Variants in CAMTA1 observed in about 807,000 individuals in gnomAD.
The protein encoded by CAMTA1 is calmodulin binding transcription activator 1.
A neutral mutation model predicts 170.9 loss-of-function variants in CAMTA1; 27 were observed. The observed-to-expected ratio is 0.16, with a 90% CI of 0.12 to 0.22. CAMTA1 has a LOEUF of 0.22. Among genes scored for constraint, CAMTA1 ranks in the 10% least tolerant of loss-of-function variants. The probability of loss-of-function intolerance (pLI) is 1.00; values close to 1 mark genes in which losing one functional copy is unlikely to be tolerated. For missense variants in CAMTA1, 1,619 were observed against 2,217.2 expected (o/e 0.73, Z 5.42); for synonymous variants, 833 against 891.5 (o/e 0.93, Z 1.17).
Position 7,426,747 on chromosome 1 carries a change from G to A in CAMTA1, c.439-41083G>A, listed in dbSNP as rs539614068. Among the ~76,000 whole-genome samples the A allele has an allele frequency of 5.3e-5, 8 of 152,156 alleles. No homozygotes were observed. Among genetic ancestry groups the A allele is most frequent in the Non-Finnish European group, 1.0e-4 (7 of 68,036 alleles). ...TGAGATTCAGAGACGTGGGAGTTCC[G>A]AATGAGATCATTTTTGTGCCTGGTT... is the stretch of plus-strand genomic sequence containing the variant. On this transcript the variant is annotated intron_variant, in intron 5 of 22. Transcript: ENST00000303635. The surrounding 1 kb of genome is among the most constrained non-coding windows in gnomAD (Gnocchi z 4.8).
At chr1:7,245,337 ATATATAT>A (rs1303570252) in intron 4 of CAMTA1, among the ~76,000 whole-genome samples, 2 of 151,278 alleles carry the variant, frequency 1.3e-5, no homozygotes, top group Non-Finnish European at 2.9e-5. Flanking sequence ...CTTATATATA[ATATATAT>A]TATACAGTTT....
In CAMTA1 at chr1:7,493,070, C is replaced by CACAA. The variant is rs759214071; in HGVS notation, c.510+25172_510+25173insAACA. Among the ~76,000 whole-genome samples, 181 of 125,738 alleles carry CACAA rather than the reference C, an allele frequency of 1.4e-3. 6 individuals carry two copies. The highest frequency in any genetic ancestry group is 4.7e-3 in the Middle Eastern group (1 of 212). 82.5% of individuals were successfully genotyped at this position (125,738 alleles called of 152,430 possible). ...ACCTACATACACACGCGCGCACACA[C>CACAA]ACAGACATACAAACGTGAGCACACA... On this transcript the variant is annotated intron_variant, in intron 6 of 22. Coordinates refer to ENST00000303635, the MANE Select transcript of CAMTA1 (RefSeq NM_015215.4).
intron 4 of CAMTA1, among the ~76,000 whole-genome samples, chr1:7,236,556 G>A (rs571498323): frequency 2.0e-5 from 3 of 152,258 alleles, no homozygotes; most frequent in Admixed American, 6.5e-5. Flanking sequence ...TCCCCTTACC[G>A]GCTGTGCGAC....
intron 5 of CAMTA1, among the ~76,000 whole-genome samples, chr1:7,356,326 G>A (rs1287306723): frequency 6.6e-6 from 1 of 152,236 alleles, no homozygotes; most frequent in Non-Finnish European, 1.5e-5. Flanking sequence ...GACAGGCTGG[G>A]ATGCTGAATT....
At chr1:7,255,320 AAAATT>A (rs1422568990) in intron 5 of CAMTA1, among the ~76,000 whole-genome samples, 6 of 152,166 alleles carry the variant, frequency 3.9e-5, no homozygotes, top group African/African-American at 7.2e-5. Flanking sequence ...TAATAATAAG[AAAATT>A]AAATTAAAAG....
At position 7,744,866 on chromosome 1, in the gene CAMTA1, T is replaced by C; in HGVS notation, c.4214T>C (p.Ile1405Thr). The C allele has an allele frequency of 1.2e-6, 2 of 1,613,976 alleles. No homozygotes were observed. Among genetic ancestry groups the C allele is most frequent in the Non-Finnish European group, 1.7e-6 (2 of 1,179,946 alleles). ...ATGATGACCTTGGCAGAACACATTA[T>C]TGAAGCCACACCTGACCGAATCAAG... ...VNMMTLAEHI[I>T]EATPDRIKQE... is the part of the protein sequence containing the mutation. The change falls in exon 17 of 23, where the codon ATT becomes ACT. Residue 1405 changes from isoleucine (I) to threonine (T), a missense_variant. Physicochemically the swap from Ile to Thr is moderately conservative, Grantham distance 89 (BLOSUM62 -1). This residue lies in a region of CAMTA1 where 370 missense variants were observed against 429.4 expected (regional missense o/e 0.86). Transcript: ENST00000303635.
intron 5 of CAMTA1, among the ~76,000 whole-genome samples, chr1:7,339,977 T>C (rs932218607): frequency 6.6e-6 from 1 of 152,214 alleles, no homozygotes; most frequent in Non-Finnish European, 1.5e-5. Flanking sequence ...ATTCAGAACC[T>C]GACCCAGGGT....
In CAMTA1 at chr1:7,013,209, C is replaced by CTTTTT. The variant is rs969077771; in HGVS notation, c.235-78076_235-78072dup. 7.2e-3 allele frequency among the ~76,000 whole-genome samples: 606 copies of CTTTTT among 84,160 alleles called. 76 individuals are homozygous for CTTTTT. The highest frequency in any genetic ancestry group is 0.023 in the African/African-American group (439 of 18,786). The allele number at this position is 84,160 out of a possible 152,430, so 55.2% of individuals were successfully genotyped here. ...TCCAGGCCCTGCCTTTGCCCTTCTT[C>CTTTTT]TTTTTTTTTTTTTTTTTTTTTTTGA... On this transcript the variant is annotated intron_variant, in intron 3 of 22. Transcript: ENST00000303635.
intron 7 of CAMTA1, among the ~76,000 whole-genome samples, chr1:7,649,616 T>C (rs1326913875): frequency 6.6e-6 from 1 of 152,168 alleles, no homozygotes; most frequent in Non-Finnish European, 1.5e-5. Context: ...GTTTTGCAAA[T>C]GTTGGTTTCT....
intron 5 of CAMTA1, among the ~76,000 whole-genome samples, chr1:7,385,290 C>T (rs550692794): frequency 1.2e-4 from 19 of 152,086 alleles, no homozygotes; most frequent in African/African-American, 3.9e-4. Flanking sequence ...AAGGTTTCAC[C>T]GTGTTAGCCA....
At chr1:7,639,967 G>A (rs1237282772) in intron 6 of CAMTA1, among the ~76,000 whole-genome samples, 2 of 152,122 alleles carry the variant, frequency 1.3e-5, no homozygotes, top group Non-Finnish European at 2.9e-5. Flanking sequence ...CGTGTTGGGC[G>A]TGAAGGAGGG....
rs778739632 is a variant in CAMTA1 at position 7,349,507 on chromosome 1, A to G, written c.438+99881A>G. 3.8e-4 allele frequency among the ~76,000 whole-genome samples: 58 copies of G among 152,348 alleles called. 2 individuals carry two copies. In the South Asian group the frequency reaches 5.0e-3, roughly 13 times the overall value. ...ATGTGTGTACTCTGGCTGCCATGAC[A>G]AGGCACCGCACACGGGGCGACGTAC... On this transcript the variant is annotated intron_variant, in intron 5 of 22. Transcript: ENST00000303635.
chr1:7,539,016 T>C (rs1407333392), intron 6 of CAMTA1, among the ~76,000 whole-genome samples: 1 of 152,164 alleles, frequency 6.6e-6, no homozygotes, highest in Middle Eastern at 3.2e-3. Context: ...TGGTTCAGAG[T>C]TCCCCTCGGA....
intron 5 of CAMTA1, among the ~76,000 whole-genome samples, chr1:7,294,801 G>C (rs1054442017): frequency 6.6e-6 from 1 of 152,172 alleles, no homozygotes; most frequent in East Asian, 1.9e-4. Context: ...CCCAGACCAG[G>C]GTGAAGTCTC....
At chr1:6,817,493 T>TAGGAA (rs1211670273) in intron 1 of CAMTA1, among the ~76,000 whole-genome samples, 7 of 152,208 alleles carry the variant, frequency 4.6e-5, no homozygotes, top group Non-Finnish European at 1.0e-4. Flanking sequence ...CCACTTTTCC[T>TAGGAA]AAGGTATGAT....
In CAMTA1 at chr1:7,751,367, G is replaced by C; in HGVS notation, c.4858G>C (p.Ala1620Pro). The C allele has an allele frequency of 6.2e-7, 1 of 1,603,696 alleles. No individual in the cohort carries two copies. The highest frequency in any genetic ancestry group is 8.5e-7 in the Non-Finnish European group (1 of 1,176,622). ...CAAAAGACGGCAGGCTCGCCGGACGGCTGTGATTGTACAACAGAAACTCAG... is the reference window on the plus strand; with the variant it reads ...CAAAAGACGGCAGGCTCGCCGGACGCCTGTGATTGTACAACAGAAACTCAG... ...CGKRRQARRT[A>P]VIVQQKLRSS... is the part of the protein sequence containing the mutation. Residue 1620 changes from alanine (A) to proline (P), a missense_variant, in exon 20 of 23, where the codon GCT becomes CCT. This residue lies in a region of CAMTA1 where 128 missense variants were observed against 213.5 expected (regional missense o/e 0.60). Coordinates refer to ENST00000303635, the MANE Select transcript of CAMTA1 (RefSeq NM_015215.4).
chr1:6,933,828 G>C (rs1004636115), intron 3 of CAMTA1, among the ~76,000 whole-genome samples: 1 of 152,114 alleles, frequency 6.6e-6, no homozygotes, highest in African/African-American at 2.4e-5. Flanking sequence ...TTGATCCGGT[G>C]GTCTGTCTTT....
intron 5 of CAMTA1, among the ~76,000 whole-genome samples, chr1:7,327,514 G>A (rs1234972154): frequency 6.6e-6 from 1 of 152,174 alleles, no homozygotes; most frequent in African/African-American, 2.4e-5. Flanking sequence ...AAGGAATAAG[G>A]TGGTAGTGTT....
intron 6 of CAMTA1, among the ~76,000 whole-genome samples, chr1:7,523,114 G>T (rs558754709): frequency 6.6e-6 from 1 of 152,318 alleles, no homozygotes; most frequent in African/African-American, 2.4e-5. Flanking sequence ...TAATCTGCCC[G>T]CCTTGGCCTC....
Sources: gnomAD v4.1 joint callset for allele counts (sites outside exome capture counted in the v4.1 genomes callset) on GRCh38, gnomAD v4.1.1 for gene constraint, gnomAD v4.1.1 regional missense constraint, Gnocchi (gnomAD v3.1) non-coding constraint, MANE v1.5 for transcripts, NCBI Gene and HGNC (gene_info 2026-07-23, HGNC 2026-07-21) for gene names.